The following ITGA9 variants were observed in gnomAD, a reference collection of about 807,000 sequenced individuals.
The protein encoded by ITGA9 is integrin subunit alpha 9.
A neutral mutation model predicts 127.8 loss-of-function variants in ITGA9; 56 were observed. That is an observed-to-expected ratio of 0.44 (90% CI 0.35 to 0.55). The LOEUF (loss-of-function observed/expected upper bound fraction) is 0.55, where lower values mean the gene tolerates loss of function less well. ITGA9 is among the 20% of genes least tolerant of loss of function. ITGA9 has a pLI of 0.00. For synonymous variants in ITGA9, 508 were observed against 514.5 expected (o/e 0.99, Z 0.17); for missense variants, 1,196 against 1,347.1 (o/e 0.89, Z 1.76).
At chr3:37,636,784 T>C (rs2125638893) in intron 16 of ITGA9, among the ~76,000 whole-genome samples, 1 of 152,274 alleles carries the variant, frequency 6.6e-6, no homozygotes, top group African/African-American at 2.4e-5. Flanking sequence ...TTTAAGTCTT[T>C]AATCCATCTT....
At chr3:37,789,326 C>A (rs1199569877) in intron 26 of ITGA9, among the ~76,000 whole-genome samples, 7 of 152,168 alleles carry the variant, frequency 4.6e-5, no homozygotes, top group African/African-American at 1.7e-4. Context: ...CAAATTAACT[C>A]TTCTACTTAT....
chr3:37,592,939 A>C (rs1323691919), intron 15 of ITGA9, among the ~76,000 whole-genome samples: 1 of 152,216 alleles, frequency 6.6e-6, no homozygotes, highest in Non-Finnish European at 1.5e-5. Flanking sequence ...ACTGTTTGGT[A>C]GCTGTACTCC....
At chr3:37,545,469 A>G (rs1027045685) in intron 15 of ITGA9, among the ~76,000 whole-genome samples, 3 of 151,944 alleles carry the variant, frequency 2.0e-5, no homozygotes, top group African/African-American at 7.3e-5. Context: ...CCTGTTTTCC[A>G]GGCTAACTGT....
intron 15 of ITGA9, among the ~76,000 whole-genome samples, chr3:37,573,734 T>G (rs922293895): frequency 1.3e-5 from 2 of 152,158 alleles, no homozygotes; most frequent in Non-Finnish European, 1.5e-5. Flanking sequence ...TATTTTTACA[T>G]TGAAAGAAGA....
At chr3:37,816,610 T>C (rs1488261248) in intron 27 of ITGA9, among the ~76,000 whole-genome samples, 1 of 152,208 alleles carries the variant, frequency 6.6e-6, no homozygotes, top group African/African-American at 2.4e-5. Flanking sequence ...GGGGATGATG[T>C]CTATGACTTT....
chr3:37,464,151 G>A (rs1033541296), intron 1 of ITGA9, among the ~76,000 whole-genome samples: 2 of 148,712 alleles, frequency 1.3e-5, no homozygotes, highest in Non-Finnish European at 3.0e-5. Context: ...GTGTGTGTGT[G>A]TAAGGTTGTG....
chr3:37,605,217 G>A (rs941906964), intron 15 of ITGA9, among the ~76,000 whole-genome samples: 18 of 152,038 alleles, frequency 1.2e-4, no homozygotes, highest in Non-Finnish European at 2.2e-4. Context: ...AGGGAGCCTC[G>A]GGACTAGAGT....
intron 18 of ITGA9, among the ~76,000 whole-genome samples, chr3:37,723,763 C>A (rs914606907): frequency 6.6e-6 from 1 of 152,220 alleles, no homozygotes; most frequent in African/African-American, 2.4e-5. Context: ...GTAGCCCCAT[C>A]CCCTAGAACA....
chr3:37,529,984 G>A (rs558976372), intron 13 of ITGA9, among the ~76,000 whole-genome samples: 2 of 152,318 alleles, frequency 1.3e-5, no homozygotes, highest in East Asian at 1.9e-4. Context: ...AGGTCAGGGC[G>A]AGGTTCAGTT....
chr3:37,788,964 T>C (rs559900509), intron 26 of ITGA9, among the ~76,000 whole-genome samples: 2 of 152,316 alleles, frequency 1.3e-5, no homozygotes, highest in African/African-American at 4.8e-5. Context: ...ACACTAATTT[T>C]TTTATAACTG....
At chr3:37,815,985 G>C (rs755264622) in intron 27 of ITGA9, among the ~76,000 whole-genome samples, 1 of 152,130 alleles carries the variant, frequency 6.6e-6, no homozygotes, top group Non-Finnish European at 1.5e-5. Flanking sequence ...AGGGTTCTGA[G>C]AAAGTAATTG....
chr3:37,786,394 G>T (rs1697041013), intron 26 of ITGA9, among the ~76,000 whole-genome samples: 3 of 152,066 alleles, frequency 2.0e-5, no homozygotes, highest in Admixed American at 6.6e-5. Flanking sequence ...CTGAGATCAG[G>T]AGTTCAAGAC....
intron 23 of ITGA9, among the ~76,000 whole-genome samples, chr3:37,754,483 A>G (rs1370649439): frequency 6.6e-6 from 1 of 152,198 alleles, no homozygotes; most frequent in African/African-American, 2.4e-5. Context: ...GAGATATAAA[A>G]TAAATATCAT....
chr3:37,475,449 A>T (rs900427042), intron 3 of ITGA9, among the ~76,000 whole-genome samples: 2 of 152,250 alleles, frequency 1.3e-5, no homozygotes, highest in African/African-American at 4.8e-5. Flanking sequence ...ACCACAGATC[A>T]GTATCACAAA....
chr3:37,715,702 T>A (rs1438058694), intron 18 of ITGA9, among the ~76,000 whole-genome samples: 1 of 152,246 alleles, frequency 6.6e-6, no homozygotes, highest in Non-Finnish European at 1.5e-5. Context: ...AATCCTGGTT[T>A]GCTTGAAACT....
At chr3:37,728,706 T>G (rs1350158239) in intron 18 of ITGA9, among the ~76,000 whole-genome samples, 1 of 151,150 alleles carries the variant, frequency 6.6e-6, no homozygotes, top group Non-Finnish European at 1.5e-5. Flanking sequence ...TTTTGTTGCC[T>G]CTCCCCACCT....
At chr3:37,775,534 T>A (rs554822525) in intron 23 of ITGA9, among the ~76,000 whole-genome samples, 1 of 151,806 alleles carries the variant, frequency 6.6e-6, no homozygotes, top group South Asian at 2.1e-4. Flanking sequence ...TTGTCCCAGC[T>A]ACTCGGGAGG....
chr3:37,516,606 C>T (rs1191439449), intron 9 of ITGA9, among the ~76,000 whole-genome samples: 1 of 152,008 alleles, frequency 6.6e-6, no homozygotes, highest in African/African-American at 2.4e-5. Flanking sequence ...TTTCATTCAT[C>T]CAAGAAATCA....
intron 23 of ITGA9, among the ~76,000 whole-genome samples, chr3:37,764,196 C>T (rs1022335252): frequency 3.3e-5 from 5 of 152,030 alleles, no homozygotes; most frequent in African/African-American, 1.2e-4. Flanking sequence ...TCCCCCTTCT[C>T]TTCCAAAAAA....
Sources: allele counts gnomAD v4.1 joint callset (sites outside exome capture counted in the v4.1 genomes callset), GRCh38; gene constraint gnomAD v4.1.1; transcripts MANE v1.5; gene names NCBI Gene and HGNC (gene_info 2026-07-23, HGNC 2026-07-21).